Variants in WDR35 observed in about 807,000 individuals in gnomAD.
WDR35 encodes WD repeat-containing protein 35.
A neutral mutation model predicts 158.3 loss-of-function variants in WDR35; 118 were observed. The ratio of observed to expected loss-of-function variants is 0.75; its 90% CI spans 0.64 to 0.87. WDR35 has a LOEUF of 0.87. WDR35 is among the 40% of genes least tolerant of loss of function. The probability of loss-of-function intolerance (pLI) is 0.00; values close to 1 mark genes in which losing one functional copy is unlikely to be tolerated. For synonymous variants in WDR35, 448 were observed against 476.1 expected, an observed-to-expected ratio of 0.94 and a Z score of 0.77; for missense variants, 1,263 against 1,405.8, an observed-to-expected ratio of 0.90 and a Z score of 1.62.
In WDR35 at chr2:19,910,743, T is replaced by C. The variant is rs187896530; in HGVS notation, c.*2815A>G. On this transcript the variant is annotated 3_prime_UTR_variant, in exon 27 of 27. Transcript: ENST00000281405. ...GGGAGAGTTTGTTAGTGTTGTTATC[T>C]GGAAATTTCCTTCATGTCGAATAAA... 1 of 152,312 alleles carries C rather than the reference T, an allele frequency of 6.6e-6. No individual in the cohort carries two copies. Among genetic ancestry groups the C allele is most frequent in the Admixed American group, 6.5e-5 (1 of 15,286 alleles). The allele number at this position is 152,312 out of a possible 1,614,324, so 9.4% of individuals were successfully genotyped here.
Position 19,951,475 on chromosome 2 carries a change from A to G in WDR35, c.1410T>C (p.His470=), listed in dbSNP as rs1257210913. The G allele has an allele frequency of 3.7e-6, 6 of 1,610,848 alleles. No homozygotes were observed. In the Admixed American group the frequency reaches 1.0e-4, roughly 27 times the overall value. The change falls in exon 13 of 27, where the codon CAT becomes CAC. Residue 470 remains histidine, a synonymous_variant. Transcript: ENST00000281405. Reference sequence around the variant, plus strand: ...TTGATCCAGAAGGGGTATCATCAACATGATAAATTCTGCAAAAAAGATCAG... The same window carrying G: ...TTGATCCAGAAGGGGTATCATCAACGTGATAAATTCTGCAAAAAAGATCAG... ...SRKEGRERIY[H]VDDTPSGSMD...
rs985040585 is a variant in WDR35 at position 19,911,374 on chromosome 2, G to A, written c.*2184C>T. 6.6e-6 allele frequency: 1 copy of A among 152,224 alleles called. No homozygotes were observed. The highest frequency in any genetic ancestry group is 1.5e-5 in the Non-Finnish European group (1 of 68,050). 9.4% of individuals were successfully genotyped at this position (152,224 alleles called of 1,614,324 possible). Reference sequence around the variant, plus strand: ...CAGCTCTGACCAAACTGTCCTGCAGGAACCTTTCAGACAGGCAGAACTAAT... The same window carrying A: ...CAGCTCTGACCAAACTGTCCTGCAGAAACCTTTCAGACAGGCAGAACTAAT... On this transcript the variant is annotated 3_prime_UTR_variant, in exon 27 of 27. Transcript: ENST00000281405.
intron 4 of WDR35, among the ~76,000 whole-genome samples, chr2:19,979,804 CA>C (rs1672328605): frequency 6.6e-6 from 1 of 150,462 alleles, no homozygotes; most frequent in African/African-American, 2.5e-5. Flanking sequence ...CACACACACA[CA>C]CTTTTTAAAA....
At chr2:19,980,931 G>A in intron 3 of WDR35, 148 bp from the exon 4 acceptor site, 1 of 697,886 alleles carries the variant, frequency 1.4e-6, no homozygotes, top group East Asian at 2.7e-5. Flanking sequence ...CTATTCATAA[G>A]ATGCAGTTAT....
chr2:19,948,530 T>TGCAGAGAAAGGAG (rs1224838168), intron 13 of WDR35, among the ~76,000 whole-genome samples: 2 of 151,890 alleles, frequency 1.3e-5, no homozygotes, highest in Non-Finnish European at 2.9e-5. Flanking sequence ...AGTACCTAAC[T>TGCAGAGAAAGGAG]TACACCAAGA....
chr2:19,973,720 G>C lies in WDR35; in HGVS notation c.737-12C>G. The C allele has an allele frequency of 6.2e-7, 1 of 1,609,762 alleles. No homozygotes were observed. Among genetic ancestry groups the C allele is most frequent in the Non-Finnish European group, 8.5e-7 (1 of 1,177,602 alleles). On this transcript the variant is annotated splice_polypyrimidine_tract_variant and intron_variant, in intron 7 of 26. Transcript: ENST00000281405. ...AATCAAAACGGGATCTAGTCAGAAA[G>C]AGAAAAATGAGGTCACTGTGGGAAA...
chr2:19,916,459 C>A (rs1669994832), intron 25 of WDR35, among the ~76,000 whole-genome samples: 1 of 152,226 alleles, frequency 6.6e-6, no homozygotes. Flanking sequence ...GTCCCACCCC[C>A]ATGGAGCCCA....
At chr2:19,932,068 A>G (rs1236515156) in intron 23 of WDR35, among the ~76,000 whole-genome samples, 2 of 152,132 alleles carry the variant, frequency 1.3e-5, no homozygotes, top group African/African-American at 2.4e-5. Context: ...TATTCAACAT[A>G]CAATTGTTTA....
At chr2:19,964,381 C>CTTTTTTTTTTTTTTTTTTTTTTT (rs558586617) in intron 10 of WDR35, among the ~76,000 whole-genome samples, 17 of 113,420 alleles carry the variant, frequency 1.5e-4, no homozygotes, top group South Asian at 2.7e-4. Context: ...CTTTTCTTTT[C>CTTTTTTTTTTTTTTTTTTTTTTT]TTTTTTTTTT....
Position 19,951,694 on chromosome 2 carries a change from T to C in WDR35, c.1401-210A>G. Reference sequence around the variant, plus strand: ...ACTAGTTATATAAATGATACGTTCCTGAAAGCTGTACCAAAAACATATCTG... The same window carrying C: ...ACTAGTTATATAAATGATACGTTCCCGAAAGCTGTACCAAAAACATATCTG... On this transcript the variant is annotated intron_variant, in intron 12 of 26. Transcript: ENST00000281405. 5 of 442,234 alleles carry C rather than the reference T, an allele frequency of 1.1e-5. No individual in the cohort carries two copies. The South Asian group carries it at 2.0e-4, about 18-fold the overall frequency. 27.4% of individuals were successfully genotyped at this position (442,234 alleles called of 1,614,324 possible).
intron 10 of WDR35, among the ~76,000 whole-genome samples, chr2:19,963,535 T>C (rs1671737131): frequency 6.6e-6 from 1 of 152,166 alleles, no homozygotes; most frequent in African/African-American, 2.4e-5. Context: ...TCTGACTCAC[T>C]GGACACACTG....
At chr2:19,913,768 T>C in intron 26 of WDR35, 60 bp from the exon 27 acceptor site, 3 of 1,601,608 alleles carry the variant, frequency 1.9e-6, no homozygotes, top group East Asian at 4.5e-5. Context: ...TCTAACTTTA[T>C]TTAATACACT....
At chr2:19,949,154 T>C (rs1011391842) in intron 13 of WDR35, among the ~76,000 whole-genome samples, 4 of 152,188 alleles carry the variant, frequency 2.6e-5, no homozygotes, top group African/African-American at 9.6e-5. Flanking sequence ...AATTTTCTAT[T>C]AGCCTACAAT....
chr2:19,928,585 T>A (rs62109409), intron 25 of WDR35, among the ~76,000 whole-genome samples: 12,691 of 152,210 alleles, frequency 0.083, 750 homozygotes, highest in East Asian at 0.23. Flanking sequence ...TTAGATGTTA[T>A]AATAAACATA....
intron 13 of WDR35, 96 bp from the exon 14 acceptor site, chr2:19,948,313 T>G: frequency 8.6e-7 from 1 of 1,167,796 alleles, no homozygotes; most frequent in Non-Finnish European, 1.2e-6. Flanking sequence ...CAGTCAATAT[T>G]TCTTAACTTA....
chr2:19,955,165 T>A (rs187772374), intron 11 of WDR35, among the ~76,000 whole-genome samples: 1 of 152,156 alleles, frequency 6.6e-6, no homozygotes, highest in Non-Finnish European at 1.5e-5. Context: ...GTTGGCCAGA[T>A]TGTCTCCATC....
At position 19,989,238 on chromosome 2, in the gene WDR35, G is replaced by C. The variant is rs1672667177; in HGVS notation, c.69C>G (p.Asn23Lys). The C allele has an allele frequency of 6.2e-7, 1 of 1,614,152 alleles. No individual in the cohort carries two copies. The highest frequency in any genetic ancestry group is 8.5e-7 in the Non-Finnish European group (1 of 1,180,034). ...NNVKLQCVSW[N>K]KEQGFIACGG... is the part of the protein sequence containing the mutation. ...CGCATGCTATGAACCCTTGTTCCTT[G>C]TTCCAGGATACACACTGCAGCTTCA... is the stretch of plus-strand genomic sequence containing the variant. The change falls in exon 2 of 27, where the codon AAC (asparagine) becomes AAG (lysine). Residue 23 changes from asparagine (N) to lysine (K), a missense_variant. Physicochemically the swap from Asn to Lys is moderately conservative, Grantham distance 94. Transcript: ENST00000281405.
intron 21 of WDR35, 78 bp downstream of exon 21, chr2:19,935,393 G>A (rs750651642): frequency 6.8e-7 from 1 of 1,472,964 alleles, no homozygotes; most frequent in South Asian, 1.2e-5. Flanking sequence ...CTTTATTGTG[G>A]GAGATATTTC....
chr2:19,978,947 G>A, intron 4 of WDR35, 68 bp from the exon 5 acceptor site: 1 of 1,593,590 alleles, frequency 6.3e-7, no homozygotes, highest in Non-Finnish European at 8.6e-7. Context: ...GTTAAGAATT[G>A]AAAGCATTCC....
Sources: gnomAD v4.1 joint callset for allele counts (sites outside exome capture counted in the v4.1 genomes callset) on GRCh38, gnomAD v4.1.1 for gene constraint, MANE v1.5 for transcripts, NCBI Gene and HGNC (gene_info 2026-07-23, HGNC 2026-07-21) for gene names.